TMEM117: variants seen among roughly 807,000 people sequenced by gnomAD.
The protein encoded by TMEM117 is transmembrane protein 117.
Under a neutral mutation model 52.4 loss-of-function variants are expected in TMEM117, and 27 were observed. The observed-to-expected ratio is 0.51, with a 90% CI of 0.38 to 0.71. The LOEUF is 0.71. TMEM117 is among the 30% of genes least tolerant of loss of function. The pLI is 0.00. For missense variants in TMEM117, 556 were observed against 630.5 expected (o/e 0.88, Z 1.26); for synonymous variants, 215 against 206.3 (o/e 1.04, Z -0.36).
intron 6 of TMEM117, among the ~76,000 whole-genome samples, chr12:44,316,591 G>A (rs559308947): frequency 1.1e-4 from 16 of 152,190 alleles, no homozygotes; most frequent in African/African-American, 3.1e-4. Flanking sequence ...TATCTCACAG[G>A]TGTTCTCTGG....
rs572235578 is a variant in TMEM117 at position 44,335,108 on chromosome 12, A to G, written c.768+35369A>G. Among the ~76,000 whole-genome samples, 8 of 152,148 alleles carry G rather than the reference A, an allele frequency of 5.3e-5. No homozygotes were observed. In the East Asian group the frequency reaches 1.6e-3, roughly 30 times the overall value. On this transcript the variant is annotated intron_variant, in intron 6 of 7. Coordinates refer to ENST00000266534, the MANE Select transcript of TMEM117 (RefSeq NM_032256.3). ...ATATTGGGAGCACTGTAGGTGAGAT[A>G]TGGAACATTATGGTGATAGGCTTGA...
intron 4 of TMEM117, among the ~76,000 whole-genome samples, chr12:44,156,388 T>C (rs1948826143): frequency 6.6e-6 from 1 of 152,104 alleles, no homozygotes; most frequent in Non-Finnish European, 1.5e-5. Flanking sequence ...GCTTATTGTT[T>C]AGTTGGGTGC....
intron 3 of TMEM117, among the ~76,000 whole-genome samples, chr12:44,116,099 C>T (rs541780981): frequency 1.3e-3 from 194 of 152,206 alleles, no homozygotes; most frequent in Non-Finnish European, 2.5e-3. Context: ...AGTCAATAAT[C>T]ATCTACATGT....
chr12:44,282,157 G>C (rs1950585356), intron 5 of TMEM117, among the ~76,000 whole-genome samples: 1 of 152,102 alleles, frequency 6.6e-6, no homozygotes, highest in East Asian at 1.9e-4. Flanking sequence ...CTCCCACCAT[G>C]ATTCTGAGGC....
chr12:44,027,147 T>C (rs1946550104), intron 3 of TMEM117, among the ~76,000 whole-genome samples: 1 of 112,594 alleles, frequency 8.9e-6, no homozygotes, highest in African/African-American at 3.9e-5. Flanking sequence ...TTATTTTATT[T>C]TATTTTATTT....
At chr12:44,163,434 G>A (rs1274550274) in intron 4 of TMEM117, among the ~76,000 whole-genome samples, 4 of 152,038 alleles carry the variant, frequency 2.6e-5, no homozygotes, top group Admixed American at 2.6e-4. Context: ...CTTTAGCTAA[G>A]TCTGCATTTC....
chr12:44,087,122 T>C (rs1947584471), intron 3 of TMEM117, among the ~76,000 whole-genome samples: 1 of 151,168 alleles, frequency 6.6e-6, no homozygotes, highest in Admixed American at 6.6e-5. Context: ...CATAGATCTA[T>C]TCCTATCCTA....
intron 3 of TMEM117, among the ~76,000 whole-genome samples, chr12:44,103,139 A>G (rs1381383984): frequency 2.0e-5 from 3 of 151,978 alleles, no homozygotes; most frequent in African/African-American, 7.2e-5. Context: ...CTGTAGAGTT[A>G]AGGAGAGAGG....
intron 2 of TMEM117, among the ~76,000 whole-genome samples, chr12:43,880,620 C>G (rs1372441314): frequency 6.6e-6 from 1 of 152,106 alleles, no homozygotes; most frequent in Non-Finnish European, 1.5e-5. Context: ...GCAGGGGTCC[C>G]TAAAGATCTC....
At chr12:44,197,367 C>T (rs1254855934) in intron 4 of TMEM117, among the ~76,000 whole-genome samples, 2 of 152,100 alleles carry the variant, frequency 1.3e-5, no homozygotes, top group East Asian at 1.9e-4. Flanking sequence ...TAGTAATGAT[C>T]AGTTATCCAT....
chr12:44,266,784 T>C (rs1950383251), intron 5 of TMEM117, among the ~76,000 whole-genome samples: 1 of 152,152 alleles, frequency 6.6e-6, no homozygotes, highest in South Asian at 2.1e-4. Flanking sequence ...TTTTGAGTTA[T>C]TATATATGGT....
At chr12:43,828,109 T>C in the TMEM117 span, among the ~76,000 whole-genome samples, 2 of 152,204 alleles carry the variant, frequency 1.3e-5, no homozygotes, top group East Asian at 3.9e-4. Flanking sequence ...ATTTCTGTTT[T>C]CTTAAACCAC....
At position 44,378,410 on chromosome 12, in the gene TMEM117, A is replaced by G. The variant is rs76748235; in HGVS notation, c.898+1686A>G. Among the ~76,000 whole-genome samples the G allele has an allele frequency of 7.9e-5, 12 of 152,302 alleles. No homozygotes were observed. In the East Asian group the frequency reaches 2.3e-3, roughly 29 times the overall value. ...TACACAATGTGGAATACTCTGTTTA[A>G]GAAGATGAATATAAAATTACATCTC... On this transcript the variant is annotated intron_variant, in intron 7 of 7. Coordinates refer to ENST00000266534, the MANE Select transcript of TMEM117 (RefSeq NM_032256.3).
intron 4 of TMEM117, among the ~76,000 whole-genome samples, chr12:44,170,956 T>C (rs546141994): frequency 6.6e-6 from 1 of 152,240 alleles, no homozygotes; most frequent in East Asian, 1.9e-4. Context: ...GCAACATGTT[T>C]TTCTGTCCTG....
intron 5 of TMEM117, among the ~76,000 whole-genome samples, chr12:44,216,005 C>CTTTTTTTTTTTT (rs778425747): frequency 3.7e-4 from 41 of 110,782 alleles, no homozygotes; most frequent in South Asian, 6.0e-4. Flanking sequence ...TTCTTTCTTT[C>CTTTTTTTTTTTT]TTTTTTTTTT....
intron 6 of TMEM117, among the ~76,000 whole-genome samples, chr12:44,319,638 G>C (rs1281995899): frequency 6.6e-6 from 1 of 152,286 alleles, no homozygotes; most frequent in East Asian, 1.9e-4. Flanking sequence ...CTAATCCGCT[G>C]TCTTGGAAGA....
At chr12:44,204,304 A>G (rs77035342) in intron 4 of TMEM117, among the ~76,000 whole-genome samples, 4,652 of 152,244 alleles carry the variant, frequency 0.031, 105 homozygotes, top group Admixed American at 0.043. Context: ...TGAGAACACA[A>G]TCTCATTCAC....
chr12:44,311,515 C>G (rs1387551045), intron 6 of TMEM117, among the ~76,000 whole-genome samples: 1 of 149,778 alleles, frequency 6.7e-6, no homozygotes, highest in Non-Finnish European at 1.5e-5. Flanking sequence ...AGCTCAGGAA[C>G]CTAGGTGAGT....
rs1198332793 is a variant in TMEM117, at chr12:44,176,838, C to A, written c.510+33214C>A. 3.3e-5 allele frequency among the ~76,000 whole-genome samples: 5 copies of A among 152,032 alleles called. 1 individual carries two copies. The highest frequency in any genetic ancestry group is 4.8e-5 in the African/African-American group (2 of 41,412). On this transcript the variant is annotated intron_variant, in intron 4 of 7. Coordinates refer to ENST00000266534, the MANE Select transcript of TMEM117 (RefSeq NM_032256.3). Reference sequence around the variant, plus strand: ...ACTGGTGATGGAAAGAATGCTCTCTCTATATATAAATGTCCTTAAAATGCT... The same window carrying A: ...ACTGGTGATGGAAAGAATGCTCTCTATATATATAAATGTCCTTAAAATGCT...
Sources: gnomAD v4.1 joint callset for allele counts (sites outside exome capture counted in the v4.1 genomes callset) on GRCh38, gnomAD v4.1.1 for gene constraint, MANE v1.5 for transcripts, NCBI Gene and HGNC (gene_info 2026-07-23, HGNC 2026-07-21) for gene names.